The following PRTFDC1 variants were observed in gnomAD, a reference collection of about 807,000 sequenced individuals.
PRTFDC1 encodes phosphoribosyltransferase domain-containing protein 1.
PRTFDC1 carries 38 observed loss-of-function variants against 34.6 expected under a neutral mutation model. The ratio of observed to expected loss-of-function variants is 1.10; its 90% CI spans 0.85 to 1.44. PRTFDC1 has a LOEUF of 1.44. PRTFDC1 is among the 40% of genes most tolerant of loss of function. PRTFDC1 has a pLI of 0.00. For synonymous variants in PRTFDC1, 93 were observed against 98.1 expected, an observed-to-expected ratio of 0.95 and a Z score of 0.31; for missense variants, 270 against 283.0, an observed-to-expected ratio of 0.95 and a Z score of 0.33.
chr10:24,888,066 T>C (rs10764507), intron 3 of PRTFDC1, among the ~76,000 whole-genome samples: 65,625 of 152,048 alleles, frequency 0.43, 14,346 homozygotes, highest in African/African-American at 0.5. Context: ...AGAGACAGGG[T>C]CTTGCTGTGT....
intron 6 of PRTFDC1, 107 bp from the exon 7 acceptor site, chr10:24,855,471 T>C (rs1040354790): frequency 3.0e-6 from 4 of 1,325,318 alleles, no homozygotes; most frequent in Non-Finnish European, 2.2e-6. Flanking sequence ...ATTTTGCTAC[T>C]GTGGCACTAT....
chr10:24,951,644 C>G (rs1453008191), intron 1 of PRTFDC1: 1 of 979,580 alleles, frequency 1.0e-6, no homozygotes, highest in East Asian at 1.1e-4. Flanking sequence ...ACCCACCATC[C>G]TCACCACCAT....
Position 24,849,911 on chromosome 10 carries a change from A to C in PRTFDC1, c.631-20T>G. ...TATGTGCTGAAACAATAAAGGATTT[A>C]AACGCATCAGTTTCTTAACAAAATA... On this transcript the variant is annotated intron_variant, in intron 8 of 8. Coordinates refer to ENST00000320152, the MANE Select transcript of PRTFDC1 (RefSeq NM_020200.7). The C allele has an allele frequency of 6.2e-7, 1 of 1,613,264 alleles. No individual in the cohort carries two copies. The highest frequency in any genetic ancestry group is 8.5e-7 in the Non-Finnish European group (1 of 1,179,428).
chr10:24,917,774 T>C (rs114051962), intron 3 of PRTFDC1, among the ~76,000 whole-genome samples: 1,903 of 152,230 alleles, frequency 0.013, 43 homozygotes, highest in African/African-American at 0.043. Flanking sequence ...ATGCAATAGA[T>C]GGAGGTCTTT....
At chr10:24,852,488 C>T (rs778284894) in intron 7 of PRTFDC1, among the ~76,000 whole-genome samples, 6 of 152,236 alleles carry the variant, frequency 3.9e-5, no homozygotes, top group South Asian at 4.2e-4. Context: ...GTTGTCCAGG[C>T]GTGTGATCAT....
chr10:24,893,157 G>A (rs948733011), intron 3 of PRTFDC1, among the ~76,000 whole-genome samples: 9 of 152,268 alleles, frequency 5.9e-5, no homozygotes, highest in African/African-American at 2.2e-4. Flanking sequence ...CAATTTAAGA[G>A]GAAGGTATCC....
chr10:24,876,713 A>C (rs1224310381), intron 3 of PRTFDC1, among the ~76,000 whole-genome samples: 1 of 151,790 alleles, frequency 6.6e-6, no homozygotes, highest in African/African-American at 2.4e-5. Context: ...ATTTATTATT[A>C]TTTATTTTAC....
chr10:24,851,592 T>C, intron 7 of PRTFDC1, 128 bp from the exon 8 acceptor site: 2 of 1,396,660 alleles, frequency 1.4e-6, no homozygotes, highest in Non-Finnish European at 9.5e-7. Context: ...GAGTGAGAAA[T>C]GGTGAGAAAT....
chr10:24,886,434 AC>A (rs1035747037), intron 3 of PRTFDC1, among the ~76,000 whole-genome samples: 5 of 151,940 alleles, frequency 3.3e-5, no homozygotes, highest in African/African-American at 9.7e-5. Context: ...TTCACATACG[AC>A]CCCATCTTGC....
At chr10:24,905,358 T>C (rs1848517510) in intron 3 of PRTFDC1, among the ~76,000 whole-genome samples, 1 of 146,074 alleles carries the variant, frequency 6.8e-6, no homozygotes, top group Admixed American at 7.0e-5. Flanking sequence ...AGTCTCACTC[T>C]GTCGCCAGGA....
chr10:24,855,321 C>G lies in PRTFDC1; in HGVS notation c.550G>C (p.Asp184His). Reference sequence around the variant, plus strand: ...CAAAAAACTGAAAAACACTTACAGTCAGGTCTAAAGCCGTCACTTCTGGAT... The same window carrying G: ...CAAAAAACTGAAAAACACTTACAGTGAGGTCTAAAGCCGTCACTTCTGGAT... ...RTSRSDGFRP[D>H]YAGFEIPNLF... The change falls in exon 7 of 9, where the codon GAC becomes CAC. Residue 184 changes from aspartate to histidine, a missense_variant. Coordinates refer to ENST00000320152, the MANE Select transcript of PRTFDC1 (RefSeq NM_020200.7). 1.2e-6 allele frequency: 2 copies of G among 1,613,586 alleles called. No individual in the cohort carries two copies. Among genetic ancestry groups the G allele is most frequent in the Middle Eastern group, 3.3e-4 (2 of 6,056 alleles).
rs564828937 is a variant in PRTFDC1, at chr10:24,928,157, G to A, written c.339+9027C>T. On this transcript the variant is annotated intron_variant, in intron 3 of 8. Coordinates refer to ENST00000320152, the MANE Select transcript of PRTFDC1 (RefSeq NM_020200.7). ...GATGCCTTTAGATTTAGTGAAATAT[G>A]GTAAGTTTTAGAATTTTTGTGGTCT... Among the ~76,000 whole-genome samples the A allele has an allele frequency of 7.2e-5, 11 of 152,086 alleles. No homozygotes were observed. The South Asian group carries it at 8.3e-4, about 12-fold the overall frequency.
chr10:24,946,642 GC>G (rs1384203672), intron 1 of PRTFDC1, among the ~76,000 whole-genome samples: 2 of 152,120 alleles, frequency 1.3e-5, no homozygotes, highest in Non-Finnish European at 2.9e-5. Context: ...GTTAGTGCCT[GC>G]CTCATATGGC....
chr10:24,928,366 C>T (rs1056298791), intron 3 of PRTFDC1, among the ~76,000 whole-genome samples: 6 of 152,144 alleles, frequency 3.9e-5, no homozygotes, highest in African/African-American at 7.2e-5. Flanking sequence ...GAATTGGAGT[C>T]TTTTTTCTTC....
Position 24,947,898 on chromosome 10 carries a change from C to T in PRTFDC1, c.48+4630G>A, listed in dbSNP as rs1358806027. On this transcript the variant is annotated intron_variant, in intron 1 of 8. Transcript: ENST00000320152. ...GAAGGAGGTACCCTGGGAAGGGCCC[C>T]ACCTCACAACCATACATCTTGAAAA... is the stretch of plus-strand genomic sequence containing the variant. Among the ~76,000 whole-genome samples, 5 of 152,166 alleles carry T rather than the reference C, an allele frequency of 3.3e-5. No homozygotes were observed. The East Asian group carries it at 5.8e-4, about 18-fold the overall frequency.
At chr10:24,914,052 C>T (rs1848662045) in intron 3 of PRTFDC1, among the ~76,000 whole-genome samples, 1 of 152,166 alleles carries the variant, frequency 6.6e-6, no homozygotes. Flanking sequence ...TAACACTGCC[C>T]TATGAATTTC....
At chr10:24,910,007 A>T (rs1848603163) in intron 3 of PRTFDC1, among the ~76,000 whole-genome samples, 1 of 151,764 alleles carries the variant, frequency 6.6e-6, no homozygotes, top group African/African-American at 2.4e-5. Context: ...AAAAAAAAAA[A>T]AAAAATAGCC....
At chr10:24,930,526 A>G (rs1848954795) in intron 3 of PRTFDC1, among the ~76,000 whole-genome samples, 1 of 152,230 alleles carries the variant, frequency 6.6e-6, no homozygotes, top group African/African-American at 2.4e-5. Flanking sequence ...GTCAAAATAA[A>G]GCTCAAGAAA....
chr10:24,899,403 G>A (rs1018808480), intron 3 of PRTFDC1, among the ~76,000 whole-genome samples: 1 of 152,154 alleles, frequency 6.6e-6, no homozygotes, highest in African/African-American at 2.4e-5. Flanking sequence ...GAAATGCTCT[G>A]AGATCAACTG....
Sources: gnomAD v4.1 joint callset for allele counts (sites outside exome capture counted in the v4.1 genomes callset) on GRCh38, gnomAD v4.1.1 for gene constraint, MANE v1.5 for transcripts, NCBI Gene and HGNC (gene_info 2026-07-23, HGNC 2026-07-21) for gene names.